Variants in SLC9A7 observed in about 807,000 individuals in gnomAD.
The protein encoded by SLC9A7 is sodium/hydrogen exchanger 7.
A neutral mutation model predicts 52.6 loss-of-function variants in SLC9A7; 19 were observed. That is an observed-to-expected ratio of 0.36 (90% CI 0.25 to 0.53). The LOEUF is 0.53. SLC9A7 is among the 20% of genes least tolerant of loss of function. The pLI is 0.91. For missense variants in SLC9A7, 455 were observed against 597.9 expected, an observed-to-expected ratio of 0.76 and a Z score of 2.49; for synonymous variants, 226 against 252.1, an observed-to-expected ratio of 0.90 and a Z score of 0.98.
At chrX:46,707,216 AAAGT>A (rs1389916855) in intron 1 of SLC9A7, among the ~76,000 whole-genome samples, 2 of 112,560 alleles carry the variant, frequency 1.8e-5, no homozygotes, top group African/African-American at 6.5e-5. Context: ...ACTCTTCAGC[AAAGT>A]AAGATCTGTT....
chrX:46,606,511 TC>T lies in SLC9A7; in HGVS notation c.*440del. The T allele has an allele frequency of 3.9e-6, 3 of 764,518 alleles. No homozygotes were observed. Among genetic ancestry groups the T allele is most frequent in the Non-Finnish European group, 4.6e-6 (3 of 645,692 alleles). The allele number at this position is 764,518 out of a possible 1,213,427, so 63.0% of individuals were successfully genotyped here. ...CCAAGTTTCCCATAATCCTTGGAGT[TC>T]CGATCTCAATTGCCTTCCTTCTCTT... On this transcript the variant is annotated 3_prime_UTR_variant, in exon 17 of 17. Transcript: ENST00000616978.
rs142434200 is a variant in SLC9A7, at chrX:46,688,424, C to T, written c.326-5889G>A. ...ACCAGCCTGACCAACATGGAGAAAC[C>T]CCATCTCTACTAAAAATACAAAATT... On this transcript the variant is annotated intron_variant, in intron 1 of 16. Coordinates refer to ENST00000616978, the MANE Select transcript of SLC9A7 (RefSeq NM_001257291.2). 4.5e-4 allele frequency among the ~76,000 whole-genome samples: 49 copies of T among 110,058 alleles called. 1 individual carries two copies. In the East Asian group the frequency reaches 0.013, roughly 30 times the overall value.
chrX:46,641,605 G>A, intron 12 of SLC9A7, among the ~76,000 whole-genome samples: 1 of 112,248 alleles, frequency 8.9e-6, no homozygotes, highest in East Asian at 2.8e-4. Flanking sequence ...GTAAGAGACT[G>A]TAAATTTTCT....
intron 12 of SLC9A7, among the ~76,000 whole-genome samples, chrX:46,637,882 G>A (rs1326171309): frequency 8.9e-6 from 1 of 112,619 alleles, no homozygotes; most frequent in Non-Finnish European, 1.9e-5. Flanking sequence ...GGAAAGCAGT[G>A]ACCTGGCTTT....
rs1216361780 is a variant in SLC9A7, at chrX:46,600,508, G to A, written c.*6444C>T. On this transcript the variant is annotated 3_prime_UTR_variant, in exon 17 of 17. Transcript: ENST00000616978. ...CCTTCTCATCTTCTCCAAGGCTCAG[G>A]TAGCAGAAAACCGGCTGCCTGTGTG... is the stretch of plus-strand genomic sequence containing the variant. The A allele has an allele frequency of 8.9e-6, 1 of 111,819 alleles. No homozygotes were observed. The highest frequency in any genetic ancestry group is 3.2e-5 in the African/African-American group (1 of 30,772). The allele number at this position is 111,819 out of a possible 1,213,427, so 9.2% of individuals were successfully genotyped here.
intron 3 of SLC9A7, among the ~76,000 whole-genome samples, chrX:46,678,694 G>A (rs1318037791): frequency 1.8e-5 from 2 of 110,318 alleles, no homozygotes; most frequent in Non-Finnish European, 3.8e-5. Context: ...GCCCAACCTT[G>A]CTGTCTAGCA....
intron 1 of SLC9A7, among the ~76,000 whole-genome samples, chrX:46,705,605 C>T (rs1051160772): frequency 9.0e-6 from 1 of 111,576 alleles, no homozygotes; most frequent in Admixed American, 9.5e-5. Flanking sequence ...AAAAATTAGG[C>T]AGGAGGATTG....
At chrX:46,664,807 A>G in intron 5 of SLC9A7, among the ~76,000 whole-genome samples, 1 of 110,360 alleles carries the variant, frequency 9.1e-6, no homozygotes, top group South Asian at 3.9e-4. Context: ...GCTGGGGTAC[A>G]GTGGTGTGAT....
intron 1 of SLC9A7, among the ~76,000 whole-genome samples, chrX:46,711,327 C>T (rs1944683479): frequency 8.9e-6 from 1 of 112,568 alleles, no homozygotes; most frequent in Non-Finnish European, 1.9e-5. Flanking sequence ...CAGAAAACCG[C>T]GTGGCATAAA....
intron 1 of SLC9A7, among the ~76,000 whole-genome samples, chrX:46,757,921 C>A (rs1343032566): frequency 8.9e-6 from 1 of 111,733 alleles, no homozygotes; most frequent in Non-Finnish European, 1.9e-5. Context: ...ATGGCTGACT[C>A]CGGAATTAAA....
chrX:46,678,781 T>G (rs1333655748), intron 3 of SLC9A7, among the ~76,000 whole-genome samples: 1 of 111,806 alleles, frequency 8.9e-6, no homozygotes, highest in Admixed American at 9.6e-5. Flanking sequence ...TCACATAAGT[T>G]GCAAAGATTA....
At chrX:46,608,219 T>TCCTTCTCCACA (rs2146666400) in intron 16 of SLC9A7, among the ~76,000 whole-genome samples, 1 of 112,616 alleles carries the variant, frequency 8.9e-6, no homozygotes, top group African/African-American at 3.2e-5. Context: ...CCTTGGCACC[T>TCCTTCTCCACA]TCCTCAATGG....
intron 14 of SLC9A7, among the ~76,000 whole-genome samples, chrX:46,628,738 G>T (rs892538233): frequency 1.8e-5 from 2 of 112,264 alleles, no homozygotes; most frequent in Non-Finnish European, 3.8e-5. Context: ...CAAACATCTG[G>T]ACTTTCCCTA....
rs1164521844 is a variant in SLC9A7 at position 46,755,213 on chromosome X, C to T, written c.325+3492G>A. 4.5e-5 allele frequency among the ~76,000 whole-genome samples: 5 copies of T among 111,933 alleles called. No homozygotes were observed. The Admixed American group carries it at 4.7e-4, about 11-fold the overall frequency. ...TTTATTTTCCTTAGGTCCTCTGCAT[C>T]CAAGCAAGCACTTATTATGGGGTCT... On this transcript the variant is annotated intron_variant, in intron 1 of 16. Coordinates refer to ENST00000616978, the MANE Select transcript of SLC9A7 (RefSeq NM_001257291.2).
chrX:46,606,519 C>T lies in SLC9A7; in HGVS notation c.*433G>A, dbSNP rs752641270. On this transcript the variant is annotated 3_prime_UTR_variant, in exon 17 of 17. Transcript: ENST00000616978. ...CCCATAATCCTTGGAGTTCCGATCT[C>T]AATTGCCTTCCTTCTCTTTAACTTG... 1 of 765,407 alleles carries T rather than the reference C, an allele frequency of 1.3e-6. No homozygotes were observed. The highest frequency in any genetic ancestry group is 2.3e-5 in the African/African-American group (1 of 43,708). The allele number at this position is 765,407 out of a possible 1,213,427, so 63.1% of individuals were successfully genotyped here.
chrX:46,682,960 A>ATTTTTTTTTTTTTTTTTTT (rs1169630244), intron 1 of SLC9A7, among the ~76,000 whole-genome samples: 13 of 64,904 alleles, frequency 2.0e-4, no homozygotes, highest in African/African-American at 4.9e-4. Context: ...CACCCGGCTA[A>ATTTTTTTTTTTTTTTTTTT]TTTTTTTTTT....
chrX:46,606,232 C>A lies in SLC9A7; in HGVS notation c.*720G>T, dbSNP rs1313080864. 16 of 744,375 alleles carry A rather than the reference C, an allele frequency of 2.1e-5. No individual in the cohort carries two copies. Among genetic ancestry groups the A allele is most frequent in the Admixed American group, 8.8e-5 (1 of 11,329 alleles). 61.3% of individuals were successfully genotyped at this position (744,375 alleles called of 1,213,427 possible). Reference sequence around the variant, plus strand: ...AAATACCTCCTTTCCTCAGATTAATCAAAAAATAAGAGTATAACACTATTT... The same window carrying A: ...AAATACCTCCTTTCCTCAGATTAATAAAAAAATAAGAGTATAACACTATTT... On this transcript the variant is annotated 3_prime_UTR_variant, in exon 17 of 17. Transcript: ENST00000616978.
At chrX:46,643,908 T>C (rs955050853) in intron 11 of SLC9A7, among the ~76,000 whole-genome samples, 1 of 111,918 alleles carries the variant, frequency 8.9e-6, no homozygotes, top group African/African-American at 3.3e-5. Flanking sequence ...ATATTATAGA[T>C]TTTAGGTTTT....
At chrX:46,746,830 CAT>C (rs1316249772) in intron 1 of SLC9A7, among the ~76,000 whole-genome samples, 1 of 112,519 alleles carries the variant, frequency 8.9e-6, no homozygotes, top group South Asian at 3.6e-4. Context: ...AATAAAGAAA[CAT>C]GTGCACTCCT....
Sources: allele counts gnomAD v4.1 joint callset (sites outside exome capture counted in the v4.1 genomes callset), GRCh38; gene constraint gnomAD v4.1.1; transcripts MANE v1.5; gene names NCBI Gene and HGNC (gene_info 2026-07-23, HGNC 2026-07-21).